PDE4D: variants seen among roughly 807,000 people sequenced by gnomAD.
The protein encoded by PDE4D is 3',5'-cyclic-AMP phosphodiesterase 4D.
In PDE4D, 24 loss-of-function variants were observed where a neutral mutation model predicts 87.4. The ratio of observed to expected loss-of-function variants is 0.27; its 90% confidence interval spans 0.20 to 0.39. The LOEUF (loss-of-function observed/expected upper bound fraction) is 0.39, where lower values mean the gene tolerates loss of function less well. Ranked by LOEUF, PDE4D falls within the 10% of genes least tolerant of loss-of-function variation. The pLI, the probability that PDE4D is intolerant of heterozygous loss-of-function variation, is 1.00. For synonymous variants in PDE4D, 384 were observed against 383.2 expected (o/e 1.00, Z -0.02); for missense variants, 714 against 1,041.0 (o/e 0.69, Z 4.32).
chr5:60,299,904 T>C (rs1753741883), intron 1 of PDE4D, among the ~76,000 whole-genome samples: 1 of 152,210 alleles, frequency 6.6e-6, no homozygotes, highest in Non-Finnish European at 1.5e-5. Context: ...TATATTCCTT[T>C]GGGTATATAG....
chr5:59,762,233 CGT>C (rs1762074864), intron 1 of PDE4D, among the ~76,000 whole-genome samples: 1 of 96,272 alleles, frequency 1.0e-5, no homozygotes, highest in African/African-American at 3.6e-5. Context: ...TACACATATG[CGT>C]ATATGTGTAT....
intron 6 of PDE4D, among the ~76,000 whole-genome samples, chr5:59,019,485 C>CA (rs1754665371): frequency 6.6e-6 from 1 of 152,136 alleles, no homozygotes; most frequent in Admixed American, 6.5e-5. Flanking sequence ...AGTATGGCCT[C>CA]AATCTACATT....
chr5:60,090,945 A>G (rs80003647), intron 2 of PDE4D, among the ~76,000 whole-genome samples: 2 of 152,126 alleles, frequency 1.3e-5, no homozygotes, highest in African/African-American at 2.4e-5. Context: ...CACACACACA[A>G]AAACACATCT....
At chr5:59,472,728 C>G (rs1315221745) in intron 1 of PDE4D, among the ~76,000 whole-genome samples, 1 of 151,866 alleles carries the variant, frequency 6.6e-6, no homozygotes, top group Non-Finnish European at 1.5e-5. Flanking sequence ...AATGCCTACC[C>G]AAAATTATGC....
intron 3 of PDE4D, among the ~76,000 whole-genome samples, chr5:59,932,714 G>A (rs190234066): frequency 6.6e-5 from 10 of 152,264 alleles, no homozygotes; most frequent in Non-Finnish European, 1.5e-5. Flanking sequence ...TCCCAACTTG[G>A]AGGAATCTGG....
At chr5:59,843,233 G>T (rs951463705) in intron 1 of PDE4D, among the ~76,000 whole-genome samples, 2 of 151,812 alleles carry the variant, frequency 1.3e-5, no homozygotes, top group African/African-American at 4.8e-5. Context: ...TTTAAAATAC[G>T]TATTTCAAGA....
intron 1 of PDE4D, chr5:60,460,404 A>G (rs1039335103): frequency 2.1e-5 from 24 of 1,143,862 alleles, no homozygotes; most frequent in Non-Finnish European, 3.2e-5. Flanking sequence ...GTGCCTCTTC[A>G]TCCTCCTCCA....
intron 1 of PDE4D, among the ~76,000 whole-genome samples, chr5:60,272,267 A>C (rs1459437693): frequency 6.6e-6 from 1 of 152,224 alleles, no homozygotes; most frequent in Non-Finnish European, 1.5e-5. Context: ...AGGGTCCAAA[A>C]TTCTAGTGAA....
At chr5:60,127,316 C>T (rs1030389201) in intron 2 of PDE4D, among the ~76,000 whole-genome samples, 3 of 152,084 alleles carry the variant, frequency 2.0e-5, no homozygotes, top group African/African-American at 4.8e-5. Flanking sequence ...AATGGGAAAC[C>T]GCTAACTGGT....
At chr5:59,309,317 C>A (rs1772087545) in intron 1 of PDE4D, among the ~76,000 whole-genome samples, 1 of 152,188 alleles carries the variant, frequency 6.6e-6, no homozygotes, top group Non-Finnish European at 1.5e-5. Flanking sequence ...TAGAGATTTT[C>A]TTCTCCCTGT....
intron 1 of PDE4D, among the ~76,000 whole-genome samples, chr5:59,491,046 G>A (rs187582773): frequency 7.0e-4 from 107 of 152,146 alleles, no homozygotes; most frequent in African/African-American, 2.4e-3. Flanking sequence ...AACACATATG[G>A]CCTAACATAT....
intron 1 of PDE4D, among the ~76,000 whole-genome samples, chr5:59,527,534 C>A (rs1400272142): frequency 2.0e-5 from 3 of 152,056 alleles, no homozygotes; most frequent in South Asian, 4.1e-4. Flanking sequence ...ATATTTCAAG[C>A]CTTCACTGCA....
At chr5:59,930,090 A>C (rs1164565201) in intron 3 of PDE4D, among the ~76,000 whole-genome samples, 5 of 129,760 alleles carry the variant, frequency 3.9e-5, no homozygotes, top group South Asian at 2.7e-4. Context: ...TGAACCCGGG[A>C]GGCGGAGCTT....
At chr5:60,023,028 C>G (rs1226668552) in intron 2 of PDE4D, among the ~76,000 whole-genome samples, 1 of 152,186 alleles carries the variant, frequency 6.6e-6, no homozygotes, top group African/African-American at 2.4e-5. Flanking sequence ...CCCTGTGTCT[C>G]TAGCACAGTG....
chr5:59,059,886 C>G (rs1395809770), intron 5 of PDE4D, among the ~76,000 whole-genome samples: 1 of 152,038 alleles, frequency 6.6e-6, no homozygotes, highest in African/African-American at 2.4e-5. Context: ...TGCTAAATGT[C>G]CCCTAATATT....
intron 1 of PDE4D, among the ~76,000 whole-genome samples, chr5:59,487,993 T>G (rs1805451766): frequency 6.6e-6 from 1 of 152,084 alleles, no homozygotes; most frequent in Non-Finnish European, 1.5e-5. Context: ...ACACAGTGTG[T>G]ACACAGAGAC....
rs34436235 is a variant in PDE4D at position 60,498,166 on chromosome 5, G to GCACA, written n.70+23881_70+23884dup. On this transcript the variant is annotated intron_variant and non_coding_transcript_variant, in intron 1 of 2. Coordinates refer to the PDE4D transcript ENST00000506510. ...AACCAGTGACTGGAGACACACACAT[G>GCACA]CACACACACACACACACACACACAC... is the stretch of plus-strand genomic sequence containing the variant. Among the ~76,000 whole-genome samples, 1,209 of 144,272 alleles carry GCACA rather than the reference G, an allele frequency of 8.4e-3. 10 individuals carry two copies. Among genetic ancestry groups the GCACA allele is most frequent in the East Asian group, 0.023 (110 of 4,888 alleles). 94.6% of individuals were successfully genotyped at this position (144,272 alleles called of 152,430 possible). A position where few individuals can be genotyped will look rare whatever the true frequency, so the allele number is the denominator to read the frequency against.
intron 1 of PDE4D, among the ~76,000 whole-genome samples, chr5:59,658,526 C>T (rs970632021): frequency 1.3e-5 from 2 of 152,060 alleles, no homozygotes; most frequent in Non-Finnish European, 2.9e-5. Flanking sequence ...GGACTGCAGG[C>T]GCCCGCCACT....
chr5:59,372,835 C>G (rs1297085918), intron 1 of PDE4D, among the ~76,000 whole-genome samples: 9 of 152,200 alleles, frequency 5.9e-5, no homozygotes, highest in African/African-American at 1.9e-4. Flanking sequence ...GATTCCAAAA[C>G]TTGAAGAATG....
Sources: allele counts gnomAD v4.1 joint callset (sites outside exome capture counted in the v4.1 genomes callset), GRCh38; gene constraint gnomAD v4.1.1; transcripts MANE v1.5; gene names NCBI Gene and HGNC (gene_info 2026-07-23, HGNC 2026-07-21).